Variants in RBM6 observed in about 807,000 individuals in gnomAD.
RBM6 encodes RNA binding motif protein 6.
RBM6 carries 23 observed loss-of-function variants against 140.4 expected under a neutral mutation model. The observed-to-expected ratio is 0.16, with a 90% CI of 0.12 to 0.23. The LOEUF (loss-of-function observed/expected upper bound fraction) is 0.23, where lower values mean the gene tolerates loss of function less well. Among genes scored for constraint, RBM6 ranks in the 10% least tolerant of loss-of-function variants. The pLI is 1.00. For missense variants in RBM6, 1,139 were observed against 1,386.7 expected (o/e 0.82, Z 2.84); for synonymous variants, 439 against 475.6 (o/e 0.92, Z 1.00).
intron 3 of RBM6, among the ~76,000 whole-genome samples, chr3:49,968,960 G>T (rs546236379): frequency 7.6e-6 from 1 of 130,794 alleles, no homozygotes; most frequent in South Asian, 2.2e-4. Flanking sequence ...GAGCCACCGC[G>T]CCCGGCCTGC....
Position 49,967,538 on chromosome 3 carries a change from A to G in RBM6, c.113A>G (p.His38Arg). 1 of 1,614,158 alleles carries G rather than the reference A, an allele frequency of 6.2e-7. No individual in the cohort carries two copies. The highest frequency in any genetic ancestry group is 8.5e-7 in the Non-Finnish European group (1 of 1,180,030). Residue 38 changes from histidine to arginine, a missense_variant, in exon 3 of 21, where the codon CAT (histidine) becomes CGT (arginine). Coordinates refer to ENST00000266022, the MANE Select transcript of RBM6 (RefSeq NM_005777.3). The surrounding 1 kb of genome is among the most constrained non-coding windows in gnomAD (Gnocchi z 4.0). Reference protein sequence around the residue: ...RDYPPPPLKSHAQERHSGNFP... With the variant: ...RDYPPPPLKSRAQERHSGNFP... The stretch of plus-strand genomic sequence containing the variant: ...TATCCTCCTCCTCCCCTTAAGAGTC[A>G]TGCTCAAGAGAGACACTCTGGCAAC...
chr3:50,014,875 A>G (rs1195921084), intron 6 of RBM6, among the ~76,000 whole-genome samples: 1 of 151,870 alleles, frequency 6.6e-6, no homozygotes, highest in Non-Finnish European at 1.5e-5. Context: ...TGTGTTCATT[A>G]ATGAATGAAA....
intron 6 of RBM6, among the ~76,000 whole-genome samples, chr3:50,044,243 T>C (rs1328078479): frequency 6.6e-6 from 1 of 152,156 alleles, no homozygotes; most frequent in Non-Finnish European, 1.5e-5. Context: ...ACTCCTTTGC[T>C]TGAGTAGCTT....
chr3:50,056,583 C>T (rs112895981), intron 8 of RBM6, among the ~76,000 whole-genome samples: 3,606 of 152,262 alleles, frequency 0.024, 142 homozygotes, highest in African/African-American at 0.082. Flanking sequence ...CGTGAGCCAC[C>T]GCTCCCGGCC....
intron 1 of RBM6, among the ~76,000 whole-genome samples, chr3:49,957,280 G>C (rs1373400952): frequency 6.6e-6 from 1 of 150,742 alleles, no homozygotes. Flanking sequence ...TTGTGAAAAT[G>C]TTTTGACTTT....
chr3:50,002,843 T>TG (rs1237720878), intron 6 of RBM6, among the ~76,000 whole-genome samples: 3 of 152,206 alleles, frequency 2.0e-5, no homozygotes, highest in Non-Finnish European at 4.4e-5. Context: ...GAAGAAGTCC[T>TG]GTCTCCTCAG....
At chr3:50,036,314 G>A (rs151217188) in intron 6 of RBM6, among the ~76,000 whole-genome samples, 4 of 152,298 alleles carry the variant, frequency 2.6e-5, no homozygotes, top group African/African-American at 9.6e-5. Context: ...CAAGGGTTAC[G>A]TCTGTGATAG....
intron 6 of RBM6, among the ~76,000 whole-genome samples, chr3:50,033,571 G>C (rs778155039): frequency 6.6e-6 from 1 of 152,182 alleles, no homozygotes; most frequent in Non-Finnish European, 1.5e-5. Context: ...TTGAATGCCA[G>C]GTCAGTAGAT....
intron 1 of RBM6, among the ~76,000 whole-genome samples, chr3:49,958,583 A>G (rs1277773402): frequency 6.6e-6 from 1 of 150,804 alleles, no homozygotes; most frequent in Admixed American, 6.6e-5. Context: ...CAAAAACAAA[A>G]AACAAAAAAC....
At chr3:50,018,581 G>GTTTTTTTT (rs58115280) in intron 6 of RBM6, among the ~76,000 whole-genome samples, 1 of 63,556 alleles carries the variant, frequency 1.6e-5, no homozygotes, top group Non-Finnish European at 2.8e-5. Flanking sequence ...GTAGGAGTGT[G>GTTTTTTTT]TTTTTTTTTT....
At chr3:50,076,711 C>T (rs1250053790) in intron 20 of RBM6, among the ~76,000 whole-genome samples, 1 of 151,970 alleles carries the variant, frequency 6.6e-6, no homozygotes, top group Admixed American at 6.6e-5. Context: ...CATGGCGAAA[C>T]CCTGTCTCTA....
rs2087935382 is a variant in RBM6, at chr3:50,027,991, G to C, written c.1558-20254G>C. Among the ~76,000 whole-genome samples, 3 of 152,056 alleles carry C rather than the reference G, an allele frequency of 2.0e-5. No homozygotes were observed. The South Asian group carries it at 6.2e-4, about 32-fold the overall frequency. On this transcript the variant is annotated intron_variant, in intron 6 of 20. Coordinates refer to ENST00000266022, the MANE Select transcript of RBM6 (RefSeq NM_005777.3). ...GATAACCAGGTTTCAATTCTGGTTT[G>C]GAAGCCTTTGGATATTTGCATTACC... is the stretch of plus-strand genomic sequence containing the variant.
chr3:50,009,173 C>G (rs2086723032), intron 6 of RBM6, among the ~76,000 whole-genome samples: 1 of 152,154 alleles, frequency 6.6e-6, no homozygotes, highest in Non-Finnish European at 1.5e-5. Context: ...TTCAGGACCT[C>G]TCGGGATTTC....
intron 1 of RBM6, among the ~76,000 whole-genome samples, chr3:49,952,227 C>T (rs1017759822): frequency 5.3e-5 from 8 of 151,844 alleles, no homozygotes; most frequent in Non-Finnish European, 1.2e-4. Flanking sequence ...GATGGGGTTT[C>T]ACCATGTTGG....
intron 6 of RBM6, among the ~76,000 whole-genome samples, chr3:50,025,608 A>ATTTTTTTT (rs1377434899): frequency 8.0e-4 from 46 of 57,302 alleles, no homozygotes; most frequent in East Asian, 7.2e-3. Flanking sequence ...TTTTTTTTTA[A>ATTTTTTTT]GAGACAGGGT....
At chr3:49,959,397 C>T (rs2084175148) in intron 1 of RBM6, among the ~76,000 whole-genome samples, 1 of 137,364 alleles carries the variant, frequency 7.3e-6, no homozygotes, top group Admixed American at 7.6e-5. Flanking sequence ...GACGGGGTTT[C>T]ACTGTGTTAG....
In RBM6 at chr3:50,015,492, G is replaced by A. The variant is rs554354802; in HGVS notation, c.1557+15979G>A. ...GTTGCCCAGGCTGGAGTGCAGTGGC[G>A]CGATCTCGGATCACTGCAAGCTCCG... is the stretch of plus-strand genomic sequence containing the variant. On this transcript the variant is annotated intron_variant, in intron 6 of 20. Coordinates refer to ENST00000266022, the MANE Select transcript of RBM6 (RefSeq NM_005777.3). 1.7e-4 allele frequency among the ~76,000 whole-genome samples: 25 copies of A among 150,028 alleles called. No individual in the cohort carries two copies. The East Asian group carries it at 1.8e-3, about 11-fold the overall frequency.
chr3:49,958,782 CTT>C (rs35853185), intron 1 of RBM6, among the ~76,000 whole-genome samples: 10 of 114,324 alleles, frequency 8.7e-5, no homozygotes, highest in Admixed American at 1.1e-4. Flanking sequence ...TGAAGAATTC[CTT>C]TTTTTTTTTT....
intron 6 of RBM6, among the ~76,000 whole-genome samples, chr3:50,016,824 G>GTTTTTTT (rs71080567): frequency 2.3e-5 from 2 of 86,062 alleles, no homozygotes; most frequent in Admixed American, 1.5e-4. Flanking sequence ...CATGCCTAGC[G>GTTTTTTT]TTTTTTTTTT....
Sources: gnomAD v4.1 joint callset for allele counts (sites outside exome capture counted in the v4.1 genomes callset) on GRCh38, gnomAD v4.1.1 for gene constraint, Gnocchi (gnomAD v3.1) non-coding constraint, MANE v1.5 for transcripts, NCBI Gene and HGNC (gene_info 2026-07-23, HGNC 2026-07-21) for gene names.